The following FANCB variants were observed in gnomAD, a reference collection of about 807,000 sequenced individuals.
The protein encoded by FANCB is FA complementation group B.
Under a neutral mutation model 38.9 loss-of-function variants are expected in FANCB, and 5 were observed. The ratio of observed to expected loss-of-function variants is 0.13; its 90% CI spans 0.07 to 0.27. The LOEUF is 0.27. FANCB is among the 10% of genes least tolerant of loss of function. The pLI is 1.00. For synonymous variants in FANCB, 236 were observed against 215.4 expected (o/e 1.10, Z -0.84); for missense variants, 573 against 602.7 (o/e 0.95, Z 0.52).
the FANCB span, among the ~76,000 whole-genome samples, chrX:14,728,482 G>A: frequency 2.7e-5 from 3 of 112,140 alleles, no homozygotes; most frequent in African/African-American, 9.7e-5. Flanking sequence ...TCAAGCAAAT[G>A]AGGTTTCTGT....
At chrX:14,802,054 C>T in the FANCB span, among the ~76,000 whole-genome samples, 4 of 111,542 alleles carry the variant, frequency 3.6e-5, no homozygotes, top group Non-Finnish European at 7.5e-5. Flanking sequence ...ATCATGGCTC[C>T]TTATGGTGCT....
At chrX:14,741,759 T>A in the FANCB span, among the ~76,000 whole-genome samples, 1 of 112,065 alleles carries the variant, frequency 8.9e-6, no homozygotes, top group African/African-American at 3.2e-5. Context: ...TTTAGCTTTT[T>A]AATTGATGAA....
chrX:14,711,672 T>G, the FANCB span, among the ~76,000 whole-genome samples: 7 of 112,189 alleles, frequency 6.2e-5, no homozygotes, highest in African/African-American at 1.9e-4. Context: ...CCCTGAATCT[T>G]CTCAAAAAAC....
At chrX:14,826,355 G>A in the FANCB span, among the ~76,000 whole-genome samples, 1 of 111,755 alleles carries the variant, frequency 8.9e-6, no homozygotes, top group African/African-American at 3.3e-5. Flanking sequence ...AGAGTGTACC[G>A]TTATTAAGTT....
Position 14,864,927 on chromosome X carries a change from T to C in FANCB, c.584A>G (p.Glu195Gly), listed in dbSNP as rs747162028. The change falls in exon 3 of 10, where the codon GAA becomes GGA. Residue 195 changes from glutamate (E) to glycine (G), a missense_variant. Transcript: ENST00000650831. ...TGATTTTGAAGGCTCTTGAGTACAT[T>C]CTTCCTCAGATAAACAACATTCCTT... ...GLKECCLSEE[E>G]CTQEPSKSDY... The C allele has an allele frequency of 4.1e-6, 5 of 1,208,138 alleles. No homozygotes were observed. Among genetic ancestry groups the C allele is most frequent in the South Asian group, 3.5e-5 (2 of 56,821 alleles).
downstream of FANCB, chrX:14,834,668 T>G: frequency 1.6e-6 from 1 of 633,308 alleles, no homozygotes; most frequent in Non-Finnish European, 2.6e-6. Context: ...TTTCCTGTTT[T>G]TTGAAGGATT....
At chrX:14,799,904 T>C in the FANCB span, among the ~76,000 whole-genome samples, 2 of 111,991 alleles carry the variant, frequency 1.8e-5, no homozygotes, top group Non-Finnish European at 3.8e-5. Context: ...GATATCTAAC[T>C]GAGGAGATTT....
chrX:14,835,418 C>T (rs574196010), downstream of FANCB: 8 of 339,037 alleles, frequency 2.4e-5, no homozygotes, highest in African/African-American at 5.4e-5. Context: ...CACACCTGGG[C>T]GGGTGATTCT....
intron 3 of FANCB, among the ~76,000 whole-genome samples, chrX:14,860,138 G>T (rs1422276311): frequency 1.8e-5 from 2 of 111,444 alleles, no homozygotes; most frequent in Non-Finnish European, 3.8e-5. Flanking sequence ...AACACCATGA[G>T]GATCAAATCC....
At chrX:14,809,238 C>A in the FANCB span, among the ~76,000 whole-genome samples, 1 of 112,492 alleles carries the variant, frequency 8.9e-6, no homozygotes, top group Admixed American at 9.3e-5. Context: ...GTCTACAGCT[C>A]CCAGCGTGAG....
intron 10 of FANCB, chrX:14,836,401 AAATGT>A (rs2092341312): frequency 1.8e-5 from 2 of 112,176 alleles, no homozygotes; most frequent in South Asian, 7.3e-4. Context: ...TTAGGATGAT[AAATGT>A]AATGTTTTTT....
At chrX:14,759,055 C>A in the FANCB span, among the ~76,000 whole-genome samples, 63 of 111,642 alleles carry the variant, frequency 5.6e-4, no homozygotes, top group African/African-American at 2.0e-3. Flanking sequence ...AAAGAACACA[C>A]TTAGAGAAAT....
At chrX:14,840,596 C>T, downstream of FANCB, among the ~76,000 whole-genome samples, 1 of 112,142 alleles carries the variant, frequency 8.9e-6, no homozygotes, top group Non-Finnish European at 1.9e-5. Context: ...AAAAGGTAAT[C>T]AATAGACTGC....
chrX:14,860,164 C>CA (rs1373133416), intron 3 of FANCB, among the ~76,000 whole-genome samples: 2 of 111,689 alleles, frequency 1.8e-5, no homozygotes, highest in East Asian at 2.8e-4. Context: ...TTCCCTGAGA[C>CA]AAAAAATCTA....
the FANCB span, among the ~76,000 whole-genome samples, chrX:14,799,147 T>G: frequency 8.9e-6 from 1 of 112,059 alleles, no homozygotes; most frequent in East Asian, 2.8e-4. Context: ...TGTTCATGAT[T>G]ATTCCACCCC....
the FANCB span, chrX:14,731,730 A>ATAAT: frequency 8.9e-6 from 1 of 112,044 alleles, no homozygotes; most frequent in African/African-American, 3.2e-5. Context: ...TAAAAATATA[A>ATAAT]TAATTAAATT....
At chrX:14,713,391 T>G in the FANCB span, among the ~76,000 whole-genome samples, 2 of 112,043 alleles carry the variant, frequency 1.8e-5, no homozygotes, top group Non-Finnish European at 3.8e-5. Flanking sequence ...TAGAGCAGAA[T>G]TGACAGAAAC....
the FANCB span, among the ~76,000 whole-genome samples, chrX:14,753,403 G>A: frequency 8.9e-6 from 1 of 112,273 alleles, no homozygotes; most frequent in East Asian, 2.8e-4. Flanking sequence ...TATTTATCTA[G>A]GTTATACGAC....
chrX:14,794,606 G>A, the FANCB span, among the ~76,000 whole-genome samples: 1 of 112,184 alleles, frequency 8.9e-6, no homozygotes, highest in Admixed American at 9.5e-5. Context: ...AACCCTGAGA[G>A]ATTCTGGGAG....
Sources: gnomAD v4.1 joint callset for allele counts (sites outside exome capture counted in the v4.1 genomes callset) on GRCh38, gnomAD v4.1.1 for gene constraint, MANE v1.5 for transcripts, NCBI Gene and HGNC (gene_info 2026-07-23, HGNC 2026-07-21) for gene names.